The following CLUAP1 variants were observed in gnomAD, a reference collection of about 807,000 sequenced individuals.
The protein encoded by CLUAP1 is clusterin-associated protein 1.
A neutral mutation model predicts 55.0 loss-of-function variants in CLUAP1; 50 were observed. That is an observed-to-expected ratio of 0.91 (90% CI 0.72 to 1.15). The LOEUF is 1.15. Among genes scored for constraint, CLUAP1 ranks in the 50% most tolerant of loss-of-function variants. The probability of loss-of-function intolerance (pLI) is 0.00; values close to 1 mark genes in which losing one functional copy is unlikely to be tolerated. For missense variants in CLUAP1, 530 were observed against 507.6 expected (o/e 1.04, Z -0.42); for synonymous variants, 195 against 175.4 (o/e 1.11, Z -0.88).
chr16:3,529,807 T>TA (rs1487548691), intron 9 of CLUAP1, among the ~76,000 whole-genome samples: 2 of 28,076 alleles, frequency 7.1e-5, no homozygotes, highest in African/African-American at 1.9e-4. Flanking sequence ...TATTATTATA[T>TA]ATATATTATA....
chr16:3,501,853 C>G (rs74424523), intron 1 of CLUAP1, among the ~76,000 whole-genome samples: 7 of 152,022 alleles, frequency 4.6e-5, no homozygotes, highest in African/African-American at 1.7e-4. Flanking sequence ...TTGCGGCTAA[C>G]ATTTTTTGAG....
intron 7 of CLUAP1, among the ~76,000 whole-genome samples, chr16:3,521,219 A>G (rs1168043944): frequency 6.6e-6 from 1 of 151,674 alleles, no homozygotes; most frequent in Non-Finnish European, 1.5e-5. Context: ...GATCTCCTTG[A>G]CACATTCCAC....
chr16:3,505,322 A>G (rs1448702096), intron 2 of CLUAP1, among the ~76,000 whole-genome samples: 1 of 152,130 alleles, frequency 6.6e-6, no homozygotes, highest in African/African-American at 2.4e-5. Context: ...CGAGGTCAGG[A>G]GATCAAGACC....
At chr16:3,519,575 C>T (rs909264014) in intron 6 of CLUAP1, among the ~76,000 whole-genome samples, 8 of 152,194 alleles carry the variant, frequency 5.3e-5, no homozygotes, top group African/African-American at 1.9e-4. Context: ...TGATGTGCAC[C>T]TTGTTCTAAC....
chr16:3,517,532 A>C (rs2037752190), intron 6 of CLUAP1, among the ~76,000 whole-genome samples: 1 of 151,746 alleles, frequency 6.6e-6, no homozygotes, highest in Non-Finnish European at 1.5e-5. Context: ...GGCTTGTCTC[A>C]AACTCCTGAC....
In CLUAP1 at chr16:3,509,712, A is replaced by G. The variant is rs377419233; in HGVS notation, c.399+1244A>G. Among the ~76,000 whole-genome samples, 4 of 152,378 alleles carry G rather than the reference A, an allele frequency of 2.6e-5. No homozygotes were observed. The East Asian group carries it at 5.8e-4, about 22-fold the overall frequency. On this transcript the variant is annotated intron_variant, in intron 4 of 11. Transcript: ENST00000576634. ...CGCAGGGTACGTGAAACCACAGTGC[A>G]CTGGCTGAGCTCCAAGTCTGCTGCA...
rs1033222013 is a variant in CLUAP1 at position 3,520,131 on chromosome 16, A to G, written c.713+95A>G. ...CTCATGTCTGAAATCTCAGCTACTCATGAAGCTGGGGCGGGGGGTTCTCTT... is the reference window on the plus strand; with the variant it reads ...CTCATGTCTGAAATCTCAGCTACTCGTGAAGCTGGGGCGGGGGGTTCTCTT... On this transcript the variant is annotated intron_variant, in intron 7 of 11. Coordinates refer to ENST00000576634, the MANE Select transcript of CLUAP1 (RefSeq NM_015041.3). The G allele has an allele frequency of 2.9e-5, 36 of 1,261,978 alleles. No individual in the cohort carries two copies. The African/African-American group carries it at 4.2e-4, about 15-fold the overall frequency. The allele number at this position is 1,261,978 out of a possible 1,614,324, so 78.2% of individuals were successfully genotyped here.
At chr16:3,495,469 G>A in the CLUAP1 span, 5 of 1,596,058 alleles carry the variant, frequency 3.1e-6, no homozygotes, top group South Asian at 1.1e-5. Context: ...GGGTGCAGCA[G>A]GGCCCTGCTC....
At chr16:3,501,827 G>T (rs757924562) in intron 1 of CLUAP1, among the ~76,000 whole-genome samples, 3 of 152,094 alleles carry the variant, frequency 2.0e-5, no homozygotes, top group Non-Finnish European at 4.4e-5. Flanking sequence ...GAGGAGAGGA[G>T]GCTGGGTGAT....
At chr16:3,506,294 G>A (rs755273145) in intron 2 of CLUAP1, 37 bp from the exon 3 acceptor site, 20 of 1,542,358 alleles carry the variant, frequency 1.3e-5, no homozygotes, top group Non-Finnish European at 1.8e-5. Flanking sequence ...TTTCTCCTTG[G>A]TTAACCCGTG....
chr16:3,520,644 C>T (rs906963982), intron 7 of CLUAP1, among the ~76,000 whole-genome samples: 4 of 152,204 alleles, frequency 2.6e-5, no homozygotes, highest in Admixed American at 2.0e-4. Context: ...TGAATCCAGA[C>T]GGGGAAATCC....
intron 1 of CLUAP1, among the ~76,000 whole-genome samples, chr16:3,503,992 G>A (rs981016662): frequency 2.6e-5 from 4 of 152,198 alleles, no homozygotes; most frequent in African/African-American, 9.6e-5. Flanking sequence ...TGTAGATCTT[G>A]GTACATATGG....
chr16:3,507,850 T>C (rs1567424110), intron 3 of CLUAP1, among the ~76,000 whole-genome samples: 2 of 152,162 alleles, frequency 1.3e-5, no homozygotes, highest in Non-Finnish European at 2.9e-5. Context: ...ACTTTCCAAA[T>C]ACATATAGAA....
At chr16:3,519,052 T>A (rs560257767) in intron 6 of CLUAP1, among the ~76,000 whole-genome samples, 24 of 152,282 alleles carry the variant, frequency 1.6e-4, no homozygotes, top group African/African-American at 5.3e-4. Context: ...AGATTCCTCA[T>A]AAAGAGATTG....
chr16:3,512,447 A>G lies in CLUAP1; in HGVS notation c.464A>G (p.Tyr155Cys), dbSNP rs1483461481. 1.9e-6 allele frequency: 3 copies of G among 1,613,908 alleles called. No individual in the cohort carries two copies. Among genetic ancestry groups the G allele is most frequent in the East Asian group, 2.2e-5 (1 of 44,888 alleles). ...SEITSKGASL[Y>C]DLLGMEVELR... Reference sequence around the variant, plus strand: ...ATCACCTCCAAAGGAGCATCTCTGTATGACTTGCTCGGCATGGAAGTAGAG... The same window carrying G: ...ATCACCTCCAAAGGAGCATCTCTGTGTGACTTGCTCGGCATGGAAGTAGAG... The change falls in exon 5 of 12, where the codon TAT becomes TGT. Residue 155 changes from tyrosine to cysteine, a missense_variant. Physicochemically the swap from Tyr to Cys is radical, Grantham distance 194 (BLOSUM62 -2). Coordinates refer to ENST00000576634, the MANE Select transcript of CLUAP1 (RefSeq NM_015041.3).
In CLUAP1 at chr16:3,536,388, C is replaced by G; in HGVS notation, c.*117C>G. ...TTACTAAGCTGGCTGGACTCATGAT[C>G]ACTGAAGCAATACTTATTTCTGCTT... On this transcript the variant is annotated 3_prime_UTR_variant, in exon 12 of 12. Transcript: ENST00000576634. 9.4e-7 allele frequency: 1 copy of G among 1,063,588 alleles called. No homozygotes were observed. Among genetic ancestry groups the G allele is most frequent in the Non-Finnish European group, 1.4e-6 (1 of 732,904 alleles). 65.9% of individuals were successfully genotyped at this position (1,063,588 alleles called of 1,614,324 possible).
chr16:3,498,470 G>A (rs144413747), upstream of CLUAP1, among the ~76,000 whole-genome samples: 39 of 152,146 alleles, frequency 2.6e-4, no homozygotes, highest in East Asian at 7.0e-3. Flanking sequence ...AAATTACAAG[G>A]GAGCCCAAAT....
intron 9 of CLUAP1, among the ~76,000 whole-genome samples, chr16:3,527,866 C>T (rs1277883437): frequency 1.3e-5 from 2 of 152,188 alleles, no homozygotes; most frequent in African/African-American, 2.4e-5. Context: ...ATACGTGACC[C>T]ATGTGACCTT....
chr16:3,529,021 G>A (rs1272219946), intron 9 of CLUAP1, among the ~76,000 whole-genome samples: 1 of 151,756 alleles, frequency 6.6e-6, no homozygotes, highest in Non-Finnish European at 1.5e-5. Context: ...ATACAGCATT[G>A]TATATATGGA....
Sources: allele counts gnomAD v4.1 joint callset (sites outside exome capture counted in the v4.1 genomes callset), GRCh38; gene constraint gnomAD v4.1.1; transcripts MANE v1.5; gene names NCBI Gene and HGNC (gene_info 2026-07-23, HGNC 2026-07-21).